BYSL: variants seen among roughly 807,000 people sequenced by gnomAD.
BYSL encodes the protein bystin like, also known as bystin.
BYSL carries 21 observed loss-of-function variants against 45.4 expected under a neutral mutation model. The observed-to-expected ratio is 0.46, with a 90% CI of 0.33 to 0.67. The LOEUF (loss-of-function observed/expected upper bound fraction) is 0.67. Among genes scored for constraint, BYSL ranks in the 30% least tolerant of loss-of-function variants. The probability of loss-of-function intolerance (pLI) is 0.02; values close to 1 mark genes in which losing one functional copy is unlikely to be tolerated. For synonymous variants in BYSL, 215 were observed against 231.3 expected (o/e 0.93, Z 0.64); for missense variants, 522 against 578.5 (o/e 0.90, Z 1.00).
Position 41,932,609 on chromosome 6 carries a change from G to C in BYSL, c.1217G>C (p.Arg406Pro). The change falls in exon 7 of 7, where the codon CGG becomes CCG. Residue 406 changes from arginine (R) to proline (P), a missense_variant. Arg to Pro is a moderately radical substitution (Grantham distance 103). Transcript: ENST00000230340. The surrounding 1 kb of genome is among the most constrained non-coding windows in gnomAD (Gnocchi z 4.7). ...AAAGAGGCCCTCTTAGAACTGCTCC[G>C]GCTGCAGCCCCATCCACAGCTATCG... ...DQKEALLELL[R>P]LQPHPQLSPE... The C allele has an allele frequency of 6.2e-7, 1 of 1,614,140 alleles. No homozygotes were observed. Among genetic ancestry groups the C allele is most frequent in the Non-Finnish European group, 8.5e-7 (1 of 1,180,036 alleles).
At chr6:41,924,841 A>AGAT (rs1775541152) in intron 1 of BYSL, among the ~76,000 whole-genome samples, 1 of 152,146 alleles carries the variant, frequency 6.6e-6, no homozygotes, top group South Asian at 2.1e-4. Flanking sequence ...TCCAGGCAAG[A>AGAT]GATGATGCTG....
Position 41,921,714 on chromosome 6 carries a change from G to A in BYSL, c.152G>A (p.Gly51Glu). The change falls in exon 1 of 7, where the codon GGG becomes GAG. Residue 51 changes from glycine (G) to glutamate (E), a missense_variant. Gly to Glu is a moderately conservative substitution (Grantham distance 98). Coordinates refer to ENST00000230340, the MANE Select transcript of BYSL (RefSeq NM_004053.4). ...GGAGAAGCGGAGGAAGAGTATGTGG[G>A]GCCCCGGCTGAGCCGACGGATTTTG... ...GTGEAEEEYVGPRLSRRILQQ... is the reference protein window; with the variant it reads ...GTGEAEEEYVEPRLSRRILQQ... 6.2e-7 allele frequency: 1 copy of A among 1,613,554 alleles called. No homozygotes were observed. Among genetic ancestry groups the A allele is most frequent in the Middle Eastern group, 1.7e-4 (1 of 6,052 alleles).
chr6:41,918,952 T>A (rs1582065669), upstream of BYSL, among the ~76,000 whole-genome samples: 1 of 58,824 alleles, frequency 1.7e-5, no homozygotes, highest in African/African-American at 7.8e-5. Context: ...AGACTCCGTC[T>A]CAAAAAAAAA....
chr6:41,931,348 C>G, intron 4 of BYSL, 48 bp from the exon 5 acceptor site: 1 of 1,605,954 alleles, frequency 6.2e-7, no homozygotes, highest in Non-Finnish European at 8.5e-7. Context: ...TGGGCCGGGT[C>G]CAGACTGTCG....
chr6:41,932,733 AG>A lies in BYSL; in HGVS notation c.*31del. 1 of 1,581,494 alleles carries A rather than the reference AG, an allele frequency of 6.3e-7. No homozygotes were observed. The highest frequency in any genetic ancestry group is 1.3e-5 in the African/African-American group (1 of 74,382). On this transcript the variant is annotated 3_prime_UTR_variant, in exon 7 of 7. Coordinates refer to ENST00000230340, the MANE Select transcript of BYSL (RefSeq NM_004053.4). This position sits in a 1 kb window ranked among gnomAD's most constrained non-coding sequence, Gnocchi z 4.7. ...GAAAACAGTCAGCTGTCCTGGCCAAAGGGGTTTGGAAGGACACCAAGACCCC... is the reference window on the plus strand; with the variant it reads ...GAAAACAGTCAGCTGTCCTGGCCAAAGGGTTTGGAAGGACACCAAGACCCC...
In BYSL at chr6:41,932,042, AATAG is replaced by A. The variant is rs1313026543; in HGVS notation, c.968+216_968+219del. Among the ~76,000 whole-genome samples, 1 of 152,166 alleles carries A rather than the reference AATAG, an allele frequency of 6.6e-6. No homozygotes were observed. The highest frequency in any genetic ancestry group is 2.4e-5 in the African/African-American group (1 of 41,440). ...CCTGGCATAAAGTAAGTTCTCAGTAAATAGATAAACAAATGAGTAGGAAACACAG... is the reference window on the plus strand; with the variant it reads ...CCTGGCATAAAGTAAGTTCTCAGTAAATAAACAAATGAGTAGGAAACACAG... On this transcript the variant is annotated intron_variant, in intron 6 of 6. Transcript: ENST00000230340. This position sits in a 1 kb window ranked among gnomAD's most constrained non-coding sequence, Gnocchi z 4.7.
the BYSL span, chr6:41,909,235 G>A: frequency 1.9e-6 from 3 of 1,599,802 alleles, no homozygotes; most frequent in East Asian, 6.7e-5. Context: ...AGCCCCCTCA[G>A]AACATCCTGC....
intron 3 of BYSL, 141 bp from the exon 4 acceptor site, chr6:41,930,494 A>G: frequency 7.8e-7 from 1 of 1,275,412 alleles, no homozygotes; most frequent in Non-Finnish European, 1.1e-6. Flanking sequence ...CTGTAAAATG[A>G]GCATAATAAT....
In BYSL at chr6:41,921,622, C is replaced by T; in HGVS notation, c.60C>T (p.Ala20=). Residue 20 remains alanine, a synonymous_variant, in exon 1 of 7, where the codon GCC becomes GCT. Transcript: ENST00000230340. The part of the protein sequence containing the change: ...VGGQEKHAPL[A]DQILAGNAVR... ...GTCAGGAAAAACATGCGCCCCTGGC[C>T]GATCAGATCCTGGCTGGGAATGCGG... 1.3e-5 allele frequency: 21 copies of T among 1,612,334 alleles called. No individual in the cohort carries two copies. Among genetic ancestry groups the T allele is most frequent in the Non-Finnish European group, 1.7e-5 (20 of 1,179,060 alleles).
Position 41,930,201 on chromosome 6 carries a change from A to G in BYSL, c.501A>G (p.Ser167=), listed in dbSNP as rs1442773300. The G allele has an allele frequency of 3.1e-6, 5 of 1,614,110 alleles. No homozygotes were observed. In the Admixed American group the frequency reaches 6.7e-5, roughly 22 times the overall value. The change falls in exon 3 of 7, where the codon TCA becomes TCG. Residue 167 remains serine, a synonymous_variant. Coordinates refer to ENST00000230340, the MANE Select transcript of BYSL (RefSeq NM_004053.4). ...AGACAGAGGTTGAGACAGTCATGTC[A>G]GAGGTGTCGGGCTTCCCTATGCCCC... ...EKQTEVETVM[S]EVSGFPMPQL... is the part of the protein sequence containing the mutation.
chr6:41,923,321 T>C (rs1366000678), intron 1 of BYSL, among the ~76,000 whole-genome samples: 1 of 151,502 alleles, frequency 6.6e-6, no homozygotes, highest in Non-Finnish European at 1.5e-5. Flanking sequence ...CTTTTTTTTT[T>C]TTTTTGAGCC....
chr6:41,910,649 A>C, the BYSL span, among the ~76,000 whole-genome samples: 37,382 of 151,134 alleles, frequency 0.25, 4,848 homozygotes, highest in Middle Eastern at 0.31. Context: ...AAAAAAGAAA[A>C]AAAAAGGTAA....
At chr6:41,919,837 A>G (rs535944024), upstream of BYSL, among the ~76,000 whole-genome samples, 23 of 152,312 alleles carry the variant, frequency 1.5e-4, no homozygotes, top group Non-Finnish European at 3.4e-4. Context: ...CATTCCTCAC[A>G]TATCTTGCTT....
At chr6:41,927,591 C>T in intron 2 of BYSL, 55 bp downstream of exon 2, 1 of 1,594,076 alleles carries the variant, frequency 6.3e-7, no homozygotes, top group Non-Finnish European at 8.6e-7. Context: ...CACAGGAAAA[C>T]AAGTTCCCTG....
the BYSL span, among the ~76,000 whole-genome samples, chr6:41,912,246 G>A: frequency 3.4e-5 from 4 of 116,046 alleles, no homozygotes; most frequent in Admixed American, 3.7e-4. Flanking sequence ...TTACCATCTT[G>A]CCTAGGCTGG....
chr6:41,925,349 A>G (rs991919569), intron 1 of BYSL, among the ~76,000 whole-genome samples: 1 of 152,096 alleles, frequency 6.6e-6, no homozygotes, highest in Non-Finnish European at 1.5e-5. Context: ...GAAGTTATTT[A>G]AATGGACTAA....
chr6:41,926,395 CTTAT>C (rs550225357), intron 1 of BYSL, among the ~76,000 whole-genome samples: 139 of 151,864 alleles, frequency 9.2e-4, no homozygotes, highest in Middle Eastern at 6.8e-3. Flanking sequence ...TGGGTTTATT[CTTAT>C]TTATTTATTT....
intron 1 of BYSL, among the ~76,000 whole-genome samples, chr6:41,924,187 A>G (rs1023735613): frequency 6.6e-5 from 10 of 151,440 alleles, no homozygotes; most frequent in African/African-American, 2.4e-4. Context: ...CAGCCTCCCA[A>G]GTAGCTGGGA....
chr6:41,914,818 T>C, the BYSL span, among the ~76,000 whole-genome samples: 3 of 152,102 alleles, frequency 2.0e-5, no homozygotes, highest in Non-Finnish European at 4.4e-5. Context: ...AATTGATTTA[T>C]GCTAATGAGG....
Sources: allele counts gnomAD v4.1 joint callset (sites outside exome capture counted in the v4.1 genomes callset), GRCh38; gene constraint gnomAD v4.1.1; non-coding constraint Gnocchi (gnomAD v3.1); transcripts MANE v1.5; gene names NCBI Gene and HGNC (gene_info 2026-07-23, HGNC 2026-07-21).